Variants in PLXNA2 observed in about 807,000 individuals in gnomAD.
PLXNA2 encodes the protein plexin-A2.
A neutral mutation model predicts 193.5 loss-of-function variants in PLXNA2; 91 were observed. The observed-to-expected ratio is 0.47, with a 90% confidence interval of 0.40 to 0.56. The LOEUF is 0.56. Among genes scored for constraint, PLXNA2 ranks in the 20% least tolerant of loss-of-function variants. The probability of loss-of-function intolerance (pLI) is 0.00; values close to 1 mark genes in which losing one functional copy is unlikely to be tolerated. For synonymous variants in PLXNA2, 997 were observed against 1,027.3 expected (o/e 0.97, Z 0.56); for missense variants, 1,995 against 2,503.2 (o/e 0.80, Z 4.33).
At position 208,024,337 on chromosome 1, in the gene PLXNA2, C is replaced by T. The variant is rs1386501436; in HGVS notation, c.*2906G>A. On this transcript the variant is annotated 3_prime_UTR_variant, in exon 32 of 32. Transcript: ENST00000367033. ...CAACCAACTCCCTCTTTTTCTCATC[C>T]AAAGGGTGTGGACTTCATTGGTTCT... The T allele has an allele frequency of 1.3e-5, 2 of 152,128 alleles. No homozygotes were observed. The highest frequency in any genetic ancestry group is 2.9e-5 in the Non-Finnish European group (2 of 68,060). 9.4% of individuals were successfully genotyped at this position (152,128 alleles called of 1,614,324 possible).
intron 12 of PLXNA2, among the ~76,000 whole-genome samples, chr1:208,070,296 C>T (rs1334031175): frequency 6.6e-6 from 1 of 152,226 alleles, no homozygotes; most frequent in African/African-American, 2.4e-5. Flanking sequence ...TGGAGTTGGC[C>T]TTGCTGGTCA....
At chr1:208,108,414 G>A (rs1253454450) in intron 4 of PLXNA2, among the ~76,000 whole-genome samples, 1 of 152,156 alleles carries the variant, frequency 6.6e-6, no homozygotes, top group Non-Finnish European at 1.5e-5. Flanking sequence ...CTCCCATCAG[G>A]AGCAGACACA....
chr1:208,177,368 G>T (rs1028524344), intron 3 of PLXNA2, among the ~76,000 whole-genome samples: 2 of 152,106 alleles, frequency 1.3e-5, no homozygotes, highest in African/African-American at 4.8e-5. Context: ...CTCCACCTCT[G>T]ATCAGCTGTG....
At chr1:208,147,767 T>C (rs1668643400) in intron 3 of PLXNA2, among the ~76,000 whole-genome samples, 3 of 152,180 alleles carry the variant, frequency 2.0e-5, no homozygotes, top group African/African-American at 7.2e-5. Context: ...TGGGCAAACA[T>C]AGCTGCCCTT....
At chr1:208,102,544 C>A (rs938351297) in intron 5 of PLXNA2, among the ~76,000 whole-genome samples, 1 of 152,260 alleles carries the variant, frequency 6.6e-6, no homozygotes, top group Admixed American at 6.5e-5. Flanking sequence ...CAGAAGGGTC[C>A]TCCCAAGGGT....
rs200059023 is a variant in PLXNA2, at chr1:208,060,783, C to G, written c.2641G>C (p.Val881Leu). 3 of 1,614,008 alleles carry G rather than the reference C, an allele frequency of 1.9e-6. No individual in the cohort carries two copies. Among genetic ancestry groups the G allele is most frequent in the Non-Finnish European group, 1.7e-6 (2 of 1,180,012 alleles). ...EGGTRVTIHG[V>L]NLGLDFSEIA... ...TCGGAGAAGTCCAGACCCAGGTTCA[C>G]GCCATGGATGGTCACTCGCGTCCCT... The change falls in exon 13 of 32, where the codon GTG (valine) becomes CTG (leucine). Residue 881 changes from valine (V) to leucine (L), a missense_variant. Around this residue, in one of 3 missense-constraint regions of PLXNA2, gnomAD observed 1,291 missense variants for 1,673.6 expected, o/e 0.77. Coordinates refer to ENST00000367033, the MANE Select transcript of PLXNA2 (RefSeq NM_025179.4).
Position 208,060,753 on chromosome 1 carries a change from C to T in PLXNA2, c.2671G>A (p.Ala891Thr), listed in dbSNP as rs769622910. ...VNLGLDFSEI[A>T]HHVQVAGVPC... ...ACCCCAGCCACCTGCACATGGTGGG[C>T]GATCTCGGAGAAGTCCAGACCCAGG... Residue 891 changes from alanine to threonine, a missense_variant, in exon 13 of 32, where the codon GCC becomes ACC. Physicochemically the swap from Ala to Thr is moderately conservative, Grantham distance 58. This residue lies in a region of PLXNA2 where 1,291 missense variants were observed against 1,673.6 expected (regional missense o/e 0.77). Coordinates refer to ENST00000367033, the MANE Select transcript of PLXNA2 (RefSeq NM_025179.4). The T allele has an allele frequency of 5.6e-6, 9 of 1,613,818 alleles. No individual in the cohort carries two copies. The highest frequency in any genetic ancestry group is 1.6e-4 in the Middle Eastern group (1 of 6,080).
At chr1:208,127,212 T>G (rs1207390136) in intron 4 of PLXNA2, among the ~76,000 whole-genome samples, 1 of 152,118 alleles carries the variant, frequency 6.6e-6, no homozygotes, top group East Asian at 1.9e-4. Flanking sequence ...AAAGCCATAC[T>G]CTACCTTGGA....
chr1:208,050,965 G>A (rs752574432), intron 17 of PLXNA2, 44 bp downstream of exon 17: 1 of 1,399,158 alleles, frequency 7.1e-7, no homozygotes, highest in Non-Finnish European at 1.0e-6. Context: ...CATCAACACA[G>A]AGCTGTGTTT....
intron 29 of PLXNA2, 25 bp from the exon 30 acceptor site, chr1:208,029,067 T>C: frequency 6.2e-7 from 1 of 1,612,662 alleles, no homozygotes. Flanking sequence ...AGAGAAGACT[T>C]GAGAATGCAT....
At chr1:208,054,613 T>TTTGCCATGACTG in intron 13 of PLXNA2, 75 bp from the exon 14 acceptor site, 3 of 1,002,996 alleles carry the variant, frequency 3.0e-6, no homozygotes, top group Non-Finnish European at 4.7e-6. Flanking sequence ...CTCCCAGTCA[T>TTTGCCATGACTG]GGCAAATGAC....
At chr1:208,073,588 C>T (rs1303254057) in intron 12 of PLXNA2, among the ~76,000 whole-genome samples, 1 of 152,224 alleles carries the variant, frequency 6.6e-6, no homozygotes, top group East Asian at 1.9e-4. Context: ...TCTCCCCCCT[C>T]TGATCAGAAT....
chr1:208,158,570 G>T (rs1293687066), intron 3 of PLXNA2, among the ~76,000 whole-genome samples: 1 of 152,152 alleles, frequency 6.6e-6, no homozygotes, highest in Non-Finnish European at 1.5e-5. Flanking sequence ...AATCCCAGTG[G>T]CCTTGCCGAC....
intron 2 of PLXNA2, 37 bp from the exon 3 acceptor site, chr1:208,210,499 T>G: frequency 1.3e-6 from 2 of 1,564,948 alleles, no homozygotes; most frequent in East Asian, 4.6e-5. Flanking sequence ...TGAGTAACAG[T>G]GGAGGCATGG....
chr1:208,076,745 G>T (rs1008540548), intron 12 of PLXNA2, among the ~76,000 whole-genome samples: 2 of 152,172 alleles, frequency 1.3e-5, no homozygotes, highest in South Asian at 2.1e-4. Flanking sequence ...ATGCCACATG[G>T]GATCCTGGAT....
At chr1:208,099,016 C>T in intron 5 of PLXNA2, 47 bp from the exon 6 acceptor site, 1 of 1,603,896 alleles carries the variant, frequency 6.2e-7, no homozygotes, top group South Asian at 1.1e-5. Context: ...TGGGACCCAT[C>T]TGTTTGGCTC....
intron 3 of PLXNA2, among the ~76,000 whole-genome samples, chr1:208,149,656 C>T (rs1308788245): frequency 6.6e-6 from 1 of 151,782 alleles, no homozygotes; most frequent in Non-Finnish European, 1.5e-5. Flanking sequence ...CTGAGGCTGA[C>T]CCTGGGAGTG....
Position 208,051,087 on chromosome 1 carries a change from C to T in PLXNA2, c.3177G>A (p.Leu1059=). The change falls in exon 17 of 32, where the codon CTG becomes CTA. Residue 1059 remains leucine (L), a synonymous_variant. Coordinates refer to ENST00000367033, the MANE Select transcript of PLXNA2 (RefSeq NM_025179.4). ...EWSIASGHTP[L]TITGFNLDVI... ...CATCCAGGTTGAAGCCTGTGATGGT[C>T]AGGGGTGTGTGGCCACTGAAAACAG... 3.1e-6 allele frequency: 5 copies of T among 1,614,032 alleles called. No homozygotes were observed. Among genetic ancestry groups the T allele is most frequent in the Non-Finnish European group, 3.4e-6 (4 of 1,179,928 alleles).
chr1:208,094,029 G>C (rs927436022), intron 8 of PLXNA2, among the ~76,000 whole-genome samples: 6 of 152,130 alleles, frequency 3.9e-5, no homozygotes, highest in African/African-American at 1.2e-4. Context: ...ATGTTGGGTT[G>C]GTTAGCCCAT....
Sources: allele counts gnomAD v4.1 joint callset (sites outside exome capture counted in the v4.1 genomes callset), GRCh38; gene constraint gnomAD v4.1.1; regional missense constraint gnomAD v4.1.1; transcripts MANE v1.5; gene names NCBI Gene and HGNC (gene_info 2026-07-23, HGNC 2026-07-21).